IL34: variants seen among roughly 807,000 people sequenced by gnomAD.
The protein encoded by IL34 is interleukin-34.
In IL34, 17 loss-of-function variants were observed where a neutral mutation model predicts 25.3. That is an observed-to-expected ratio of 0.67 (90% confidence interval 0.46 to 1.01). IL34 has a LOEUF of 1.01. Among genes scored for constraint, IL34 ranks in the 50% least tolerant of loss-of-function variants. IL34 has a pLI of 0.00. For missense variants in IL34, 368 were observed against 312.9 expected (o/e 1.18, Z -1.33); for synonymous variants, 174 against 140.9 (o/e 1.23, Z -1.66).
intron 1 of IL34, among the ~76,000 whole-genome samples, chr16:70,625,083 T>C (rs1255711086): frequency 5.9e-5 from 9 of 152,084 alleles, no homozygotes; most frequent in Non-Finnish European, 1.2e-4. Context: ...GTGCCATTTT[T>C]TGGCTATTTG....
At chr16:70,589,903 G>A (rs909059003) in intron 1 of IL34, among the ~76,000 whole-genome samples, 3 of 152,170 alleles carry the variant, frequency 2.0e-5, no homozygotes, top group South Asian at 4.1e-4. Flanking sequence ...GATTACAGGC[G>A]TGAGCCACTG....
Position 70,659,606 on chromosome 16 carries a change from C to T in IL34, c.403-12C>T, listed in dbSNP as rs746397587. On this transcript the variant is annotated splice_polypyrimidine_tract_variant and intron_variant, in intron 4 of 5. Coordinates refer to ENST00000288098, the MANE Select transcript of IL34 (RefSeq NM_001393494.1). ...ATCTCGCCACCGCTCCTGACTGTTT[C>T]CTCCTTTCCAGGATGTGGAGGTCAG... The T allele has an allele frequency of 9.4e-6, 15 of 1,600,320 alleles. No homozygotes were observed. The South Asian group carries it at 1.7e-4, about 18-fold the overall frequency.
intron 1 of IL34, among the ~76,000 whole-genome samples, chr16:70,620,920 G>A (rs1054074840): frequency 6.6e-6 from 1 of 152,128 alleles, no homozygotes. Flanking sequence ...GGAATCTTAC[G>A]TATAGTGAAG....
chr16:70,614,480 G>C (rs2051144609), intron 1 of IL34, among the ~76,000 whole-genome samples: 1 of 152,208 alleles, frequency 6.6e-6, no homozygotes, highest in Non-Finnish European at 1.5e-5. Flanking sequence ...AGCCCGCTGA[G>C]GTTTGAGAAG....
chr16:70,634,075 A>G (rs1440032037), intron 1 of IL34, among the ~76,000 whole-genome samples: 1 of 150,664 alleles, frequency 6.6e-6, no homozygotes, highest in Non-Finnish European at 1.5e-5. Context: ...AGTCTCAAAC[A>G]CCTGACCTCA....
chr16:70,651,183 G>A (rs147347594), intron 1 of IL34, among the ~76,000 whole-genome samples: 2 of 152,100 alleles, frequency 1.3e-5, no homozygotes, highest in African/African-American at 2.4e-5. Flanking sequence ...CGTGGTGATG[G>A]GGGGGAGAGA....
chr16:70,582,510 G>A (rs1422228734), intron 1 of IL34, among the ~76,000 whole-genome samples: 1 of 152,242 alleles, frequency 6.6e-6, no homozygotes, highest in East Asian at 1.9e-4. Flanking sequence ...GGCAGTGACT[G>A]GACCTCTCCG....
At chr16:70,590,823 C>T (rs145155246) in intron 1 of IL34, among the ~76,000 whole-genome samples, 10 of 152,170 alleles carry the variant, frequency 6.6e-5, no homozygotes, top group African/African-American at 1.9e-4. Flanking sequence ...CCCGTCCCCC[C>T]GCAAGCTGGC....
At chr16:70,651,288 C>G (rs2052072520) in intron 1 of IL34, among the ~76,000 whole-genome samples, 1 of 152,134 alleles carries the variant, frequency 6.6e-6, no homozygotes, top group Admixed American at 6.5e-5. Flanking sequence ...TGATCTTGAC[C>G]TGCAAGAGTA....
rs570123541 is a variant in IL34 at position 70,660,184 on chromosome 16, C to T, written c.726C>T (p.Pro242=). The change falls in exon 6 of 6, where the codon CCC becomes CCT. Residue 242 remains proline, a synonymous_variant. Coordinates refer to ENST00000288098, the MANE Select transcript of IL34 (RefSeq NM_001393494.1). ...PVRAQGEGLL[P] ...GGGCACAGGGCGAGGGCCTCTTGCC[C>T]TGAGCACCCTGGATGGTGACTGCGG... The T allele has an allele frequency of 5.7e-6, 9 of 1,573,968 alleles. No individual in the cohort carries two copies. In the Admixed American group the frequency reaches 1.3e-4, roughly 23 times the overall value.
At chr16:70,585,458 C>T (rs1326276947) in intron 1 of IL34, among the ~76,000 whole-genome samples, 8 of 151,978 alleles carry the variant, frequency 5.3e-5, no homozygotes, top group South Asian at 2.1e-4. Flanking sequence ...TTTGGGAGGC[C>T]GAGGCAGATG....
intron 1 of IL34, 34 bp from the exon 2 acceptor site, chr16:70,654,504 G>A (rs1335128444): frequency 6.3e-7 from 1 of 1,576,740 alleles, no homozygotes. Flanking sequence ...GAGATGGAGG[G>A]TGCTCATGTG....
Position 70,646,935 on chromosome 16 carries a change from G to A in IL34, c.-13G>A, listed in dbSNP as rs74024417. 3.7e-5 allele frequency: 55 copies of A among 1,478,900 alleles called. No individual in the cohort carries two copies. In the African/African-American group the frequency reaches 6.9e-4, roughly 19 times the overall value. 91.6% of individuals were successfully genotyped at this position (1,478,900 alleles called of 1,614,324 possible). On this transcript the variant is annotated 5_prime_UTR_variant, in exon 1 of 6. Transcript: ENST00000288098. Reference sequence around the variant, plus strand: ...ACGGCGCCTGAGCTCTCAGGGGGACGAGGAACACCACCATGCCCCGGGGCT... The same window carrying A: ...ACGGCGCCTGAGCTCTCAGGGGGACAAGGAACACCACCATGCCCCGGGGCT...
intron 1 of IL34, among the ~76,000 whole-genome samples, chr16:70,629,062 T>C (rs1307768873): frequency 6.6e-6 from 1 of 152,106 alleles, no homozygotes; most frequent in African/African-American, 2.4e-5. Context: ...TAGGCATGAG[T>C]CACTGTACCT....
intron 1 of IL34, among the ~76,000 whole-genome samples, chr16:70,599,376 TTC>T (rs2050881496): frequency 6.9e-6 from 1 of 145,194 alleles, no homozygotes; most frequent in Non-Finnish European, 1.5e-5. Flanking sequence ...TCTTTCTTTC[TTC>T]TTTCTCTCTC....
In IL34 at chr16:70,654,564, T is replaced by A. The variant is rs1453184510; in HGVS notation, c.55T>A (p.Leu19Met). ...TCTTGGGATCTTCCTTGGCGTGGCCTTGGGGAATGAGCCTTTGGAGATGTG... is the reference window on the plus strand; with the variant it reads ...TCTTGGGATCTTCCTTGGCGTGGCCATGGGGAATGAGCCTTTGGAGATGTG... ...RYLGIFLGVA[L>M]GNEPLEMWPL... The change falls in exon 2 of 6, where the codon TTG (leucine) becomes ATG (methionine). Residue 19 changes from leucine (L) to methionine (M), a missense_variant. By Grantham distance (15) the Leu-to-Met change is conservative. Transcript: ENST00000288098. 6.2e-7 allele frequency: 1 copy of A among 1,613,164 alleles called. No individual in the cohort carries two copies. The highest frequency in any genetic ancestry group is 2.2e-5 in the East Asian group (1 of 44,840).
intron 1 of IL34, among the ~76,000 whole-genome samples, chr16:70,639,571 C>T (rs964051956): frequency 5.9e-5 from 9 of 152,180 alleles, no homozygotes; most frequent in Admixed American, 2.6e-4. Flanking sequence ...GCAGTTGTCA[C>T]GTGCCTTCTG....
intron 4 of IL34, among the ~76,000 whole-genome samples, chr16:70,658,477 T>C (rs1018394197): frequency 6.6e-6 from 1 of 151,510 alleles, no homozygotes; most frequent in African/African-American, 2.4e-5. Context: ...GCCTGGCCTC[T>C]GTGGTGGCTT....
intron 1 of IL34, among the ~76,000 whole-genome samples, chr16:70,602,582 GA>G (rs1285348625): frequency 5.4e-5 from 5 of 92,974 alleles, no homozygotes; most frequent in Non-Finnish European, 8.3e-5. Context: ...CTTTGGAATT[GA>G]TGTGTGTGTG....
Sources: gnomAD v4.1 joint callset for allele counts (sites outside exome capture counted in the v4.1 genomes callset) on GRCh38, gnomAD v4.1.1 for gene constraint, MANE v1.5 for transcripts, NCBI Gene and HGNC (gene_info 2026-07-23, HGNC 2026-07-21) for gene names.